Variants in CTIF observed in about 807,000 individuals in gnomAD.
The protein encoded by CTIF is CBP80/20-dependent translation initiation factor.
In CTIF, 21 loss-of-function variants were observed where a neutral mutation model predicts 66.0. The observed-to-expected ratio is 0.32, with a 90% CI of 0.23 to 0.46. CTIF has a LOEUF of 0.46. CTIF is among the 20% of genes least tolerant of loss of function. CTIF has a pLI of 1.00. For synonymous variants in CTIF, 345 were observed against 326.4 expected (o/e 1.06, Z -0.62); for missense variants, 739 against 812.7 (o/e 0.91, Z 1.10).
At chr18:48,700,550 C>G (rs575495821) in intron 6 of CTIF, among the ~76,000 whole-genome samples, 1 of 152,334 alleles carries the variant, frequency 6.6e-6, no homozygotes, top group East Asian at 1.9e-4. Flanking sequence ...GGGGCTCCCT[C>G]CCTGCTACCC....
At chr18:48,728,732 G>A (rs561935626) in intron 7 of CTIF, among the ~76,000 whole-genome samples, 1 of 145,010 alleles carries the variant, frequency 6.9e-6, no homozygotes, top group East Asian at 1.9e-4. Context: ...AGGAGGGAGG[G>A]GGAGAGTGAG....
intron 1 of CTIF, among the ~76,000 whole-genome samples, chr18:48,606,791 T>C (rs2090209718): frequency 6.6e-6 from 1 of 152,168 alleles, no homozygotes; most frequent in Non-Finnish European, 1.5e-5. Context: ...GCCAGCCTCT[T>C]CCTAGCCAGG....
chr18:48,585,268 T>C (rs2089742395), intron 1 of CTIF, among the ~76,000 whole-genome samples: 1 of 152,250 alleles, frequency 6.6e-6, no homozygotes, highest in African/African-American at 2.4e-5. Context: ...TGTTGAAATA[T>C]AGGGATGGAT....
chr18:48,770,889 T>C (rs1910043039), intron 9 of CTIF, among the ~76,000 whole-genome samples: 1 of 152,194 alleles, frequency 6.6e-6, no homozygotes, highest in East Asian at 1.9e-4. Flanking sequence ...TCCATCAGTG[T>C]GGGTGCCCTG....
intron 7 of CTIF, among the ~76,000 whole-genome samples, chr18:48,736,583 T>G (rs2092505601): frequency 1.3e-5 from 2 of 152,376 alleles, no homozygotes; most frequent in African/African-American, 4.8e-5. Context: ...CTCTTGCCTT[T>G]GCATGTGTGA....
intron 7 of CTIF, among the ~76,000 whole-genome samples, chr18:48,740,915 G>A (rs562968766): frequency 1.2e-4 from 18 of 152,350 alleles, no homozygotes; most frequent in Non-Finnish European, 2.5e-4. Flanking sequence ...TAGCATCGTG[G>A]TTAAGAGTGT....
chr18:48,570,966 A>G (rs555494226), intron 1 of CTIF, among the ~76,000 whole-genome samples: 1 of 152,368 alleles, frequency 6.6e-6, no homozygotes, highest in Non-Finnish European at 1.5e-5. Flanking sequence ...TGGCTGCACA[A>G]CAGTGCGAAT....
intron 1 of CTIF, among the ~76,000 whole-genome samples, chr18:48,616,877 G>A (rs2090410142): frequency 6.6e-6 from 1 of 152,214 alleles, no homozygotes; most frequent in South Asian, 2.1e-4. Context: ...CCAGGTGACA[G>A]GTTCAGTGTG....
At chr18:48,670,558 G>A in intron 5 of CTIF, 111 bp from the exon 6 acceptor site, 1 of 936,530 alleles carries the variant, frequency 1.1e-6, no homozygotes, top group Admixed American at 1.8e-5. Flanking sequence ...AGGGCTTGAG[G>A]GTGGGCAGCA....
chr18:48,721,368 C>G (rs937932915), intron 7 of CTIF, among the ~76,000 whole-genome samples: 7 of 152,214 alleles, frequency 4.6e-5, no homozygotes, highest in Admixed American at 4.6e-4. Flanking sequence ...GCCACCCAAG[C>G]TGGTTTCATT....
intron 5 of CTIF, among the ~76,000 whole-genome samples, chr18:48,666,467 C>A (rs1689703844): frequency 6.6e-6 from 1 of 152,232 alleles, no homozygotes. Context: ...CTTCTGACAC[C>A]ATCCAACCCC....
chr18:48,658,140 G>C (rs1244402247), intron 3 of CTIF, among the ~76,000 whole-genome samples: 1 of 152,042 alleles, frequency 6.6e-6, no homozygotes, highest in Non-Finnish European at 1.5e-5. Flanking sequence ...ATGTGTGTGT[G>C]GTACATGTAT....
At chr18:48,851,017 C>CCT (rs748891941) in intron 10 of CTIF, among the ~76,000 whole-genome samples, 30 of 152,242 alleles carry the variant, frequency 2.0e-4, no homozygotes, top group Non-Finnish European at 3.2e-4. Flanking sequence ...TGCAAGAGGG[C>CCT]CTCTCGCACA....
At chr18:48,823,114 G>T (rs771444697) in intron 10 of CTIF, among the ~76,000 whole-genome samples, 1 of 151,836 alleles carries the variant, frequency 6.6e-6, no homozygotes, top group South Asian at 2.1e-4. Flanking sequence ...TCCATACTTT[G>T]TCTTTCTCTC....
chr18:48,781,299 A>T (rs1376602520), intron 9 of CTIF, among the ~76,000 whole-genome samples: 1 of 152,080 alleles, frequency 6.6e-6, no homozygotes, highest in African/African-American at 2.4e-5. Context: ...TTTCCAGGGA[A>T]CTCTGGGGGC....
chr18:48,802,616 A>G (rs1286699308), intron 9 of CTIF, among the ~76,000 whole-genome samples: 1 of 152,254 alleles, frequency 6.6e-6, no homozygotes, highest in African/African-American at 2.4e-5. Context: ...GGAAAGCTGC[A>G]GGAAGTGCCT....
chr18:48,773,033 G>GTA (rs1042657652), intron 9 of CTIF, among the ~76,000 whole-genome samples: 4 of 152,348 alleles, frequency 2.6e-5, no homozygotes, highest in African/African-American at 9.6e-5. Context: ...GCTGGAGGAA[G>GTA]TCTATAAGGG....
chr18:48,724,598 C>T (rs1354867828), intron 7 of CTIF, among the ~76,000 whole-genome samples: 1 of 152,228 alleles, frequency 6.6e-6, no homozygotes, highest in Non-Finnish European at 1.5e-5. Context: ...TTCATCCTCC[C>T]TTGATCCTCT....
chr18:48,777,913 G>T (rs1910842589), intron 9 of CTIF, among the ~76,000 whole-genome samples: 1 of 152,202 alleles, frequency 6.6e-6, no homozygotes, highest in Non-Finnish European at 1.5e-5. Flanking sequence ...TCCGTGTGGG[G>T]TGTCAGCTCC....
Sources: allele counts gnomAD v4.1 joint callset (sites outside exome capture counted in the v4.1 genomes callset), GRCh38; gene constraint gnomAD v4.1.1; transcripts MANE v1.5; gene names NCBI Gene and HGNC (gene_info 2026-07-23, HGNC 2026-07-21).